Variants in CBFA2T2 observed in about 807,000 individuals in gnomAD.
CBFA2T2 encodes protein CBFA2T2.
A neutral mutation model predicts 62.2 loss-of-function variants in CBFA2T2; 11 were observed. The observed-to-expected ratio is 0.18, with a 90% CI of 0.11 to 0.29. The LOEUF (loss-of-function observed/expected upper bound fraction) is 0.29. CBFA2T2 is among the 10% of genes least tolerant of loss of function. CBFA2T2 has a pLI of 1.00. For missense variants in CBFA2T2, 592 were observed against 774.1 expected (o/e 0.76, Z 2.79); for synonymous variants, 295 against 287.5 (o/e 1.03, Z -0.27).
At chr20:33,580,198 C>T (rs568563889) in intron 1 of CBFA2T2, among the ~76,000 whole-genome samples, 6 of 152,080 alleles carry the variant, frequency 3.9e-5, no homozygotes, top group South Asian at 2.1e-4. Flanking sequence ...ACATTTTAGG[C>T]GTGTAAATTT....
At chr20:33,518,622 A>T (rs2146859635) in intron 1 of CBFA2T2, among the ~76,000 whole-genome samples, 1 of 151,406 alleles carries the variant, frequency 6.6e-6, no homozygotes, top group South Asian at 2.1e-4. Flanking sequence ...AAAAAAAAAA[A>T]TTAGCTGGGC....
At chr20:33,562,661 T>A (rs932504526) in intron 1 of CBFA2T2, 1 of 985,292 alleles carries the variant, frequency 1.0e-6, no homozygotes, top group African/African-American at 1.7e-5. Flanking sequence ...TTGTTTATAA[T>A]TTGGGCATTT....
At chr20:33,637,966 CTTTTTTTTTTT>C (rs67124335) in intron 9 of CBFA2T2, among the ~76,000 whole-genome samples, 3 of 66,790 alleles carry the variant, frequency 4.5e-5, no homozygotes, top group African/African-American at 8.5e-5. Flanking sequence ...TGCACCCGGC[CTTTTTTTTTTT>C]TTTTTTTTTT....
intron 1 of CBFA2T2, among the ~76,000 whole-genome samples, chr20:33,594,473 GC>G (rs1296297088): frequency 6.6e-6 from 1 of 152,010 alleles, no homozygotes. Context: ...TCCTGCCTCG[GC>G]CTCCCAAAGT....
intron 1 of CBFA2T2, among the ~76,000 whole-genome samples, chr20:33,606,617 G>C (rs930164830): frequency 4.6e-5 from 7 of 152,100 alleles, no homozygotes; most frequent in Non-Finnish European, 1.0e-4. Flanking sequence ...TGGTGTGACT[G>C]TCCTCTCTTT....
At chr20:33,538,000 TAA>T (rs78359687) in intron 1 of CBFA2T2, among the ~76,000 whole-genome samples, 4 of 141,142 alleles carry the variant, frequency 2.8e-5, no homozygotes. Flanking sequence ...CTCAATTTCT[TAA>T]AAAAAAAAAA....
intron 1 of CBFA2T2, among the ~76,000 whole-genome samples, chr20:33,545,010 T>TGAAC (rs2012508345): frequency 8.8e-6 from 1 of 113,944 alleles, no homozygotes; most frequent in African/African-American, 3.3e-5. Context: ...TAGAATAGAA[T>TGAAC]AGAACAGAAC....
intron 1 of CBFA2T2, among the ~76,000 whole-genome samples, chr20:33,589,724 T>G (rs748300740): frequency 4.2e-4 from 64 of 152,288 alleles, no homozygotes; most frequent in Non-Finnish European, 2.6e-4. Flanking sequence ...TCAATCCTGA[T>G]CTGTCTGAAT....
Position 33,586,424 on chromosome 20 carries a change from G to A in CBFA2T2, c.35-20532G>A, listed in dbSNP as rs547951359. Among the ~76,000 whole-genome samples the A allele has an allele frequency of 1.8e-4, 28 of 152,114 alleles. 1 individual carries two copies. The highest frequency in any genetic ancestry group is 5.8e-4 in the African/African-American group (24 of 41,504). Reference sequence around the variant, plus strand: ...GCTGGGATTACAGGGGTGAGCCACCGCGCCCAGCCTATTATCATTGTTATC... The same window carrying A: ...GCTGGGATTACAGGGGTGAGCCACCACGCCCAGCCTATTATCATTGTTATC... On this transcript the variant is annotated intron_variant, in intron 1 of 10. Transcript: ENST00000342704.
chr20:33,603,100 G>T (rs1465980680), intron 1 of CBFA2T2, among the ~76,000 whole-genome samples: 2 of 152,108 alleles, frequency 1.3e-5, no homozygotes, highest in African/African-American at 4.8e-5. Context: ...TTTGGACTTT[G>T]GGTGACTGTA....
At chr20:33,607,740 A>G (rs749839604) in intron 2 of CBFA2T2, among the ~76,000 whole-genome samples, 3 of 152,060 alleles carry the variant, frequency 2.0e-5, no homozygotes, top group Non-Finnish European at 4.4e-5. Flanking sequence ...ATTAGGGACT[A>G]CTCATAATAC....
At chr20:33,610,069 C>T (rs922085664) in intron 2 of CBFA2T2, among the ~76,000 whole-genome samples, 3 of 152,062 alleles carry the variant, frequency 2.0e-5, no homozygotes, top group African/African-American at 7.2e-5. Context: ...ATCACTTGAG[C>T]CCAGGAGTTT....
At chr20:33,528,487 G>A (rs1232191447) in intron 1 of CBFA2T2, among the ~76,000 whole-genome samples, 2 of 152,146 alleles carry the variant, frequency 1.3e-5, no homozygotes, top group Non-Finnish European at 2.9e-5. Flanking sequence ...TGTTTGGTGG[G>A]CTATTTTTCT....
At chr20:33,546,149 C>A (rs1041570270) in intron 1 of CBFA2T2, among the ~76,000 whole-genome samples, 4 of 152,140 alleles carry the variant, frequency 2.6e-5, no homozygotes, top group Admixed American at 2.0e-4. Flanking sequence ...ATATAAACTG[C>A]TAATTTATCT....
intron 6 of CBFA2T2, among the ~76,000 whole-genome samples, chr20:33,627,393 C>A (rs950036316): frequency 3.3e-5 from 5 of 151,468 alleles, no homozygotes; most frequent in East Asian, 1.9e-4. Context: ...GAGACTCCGT[C>A]AAGGGGGGGG....
chr20:33,515,520 A>T (rs1001742566), intron 1 of CBFA2T2, among the ~76,000 whole-genome samples: 1 of 151,912 alleles, frequency 6.6e-6, no homozygotes, highest in Non-Finnish European at 1.5e-5. Flanking sequence ...ATAGTTTTTT[A>T]TTTTTATTTT....
At chr20:33,593,614 A>T (rs2014761011) in intron 1 of CBFA2T2, among the ~76,000 whole-genome samples, 1 of 152,034 alleles carries the variant, frequency 6.6e-6, no homozygotes, top group Non-Finnish European at 1.5e-5. Context: ...GCTGGTCTCG[A>T]GCTCCTGACA....
chr20:33,609,117 C>T (rs1417658640), intron 2 of CBFA2T2, among the ~76,000 whole-genome samples: 1 of 152,126 alleles, frequency 6.6e-6, no homozygotes, highest in African/African-American at 2.4e-5. Context: ...GTATACACAA[C>T]TTATAAAACT....
chr20:33,596,736 C>G (rs2014908800), intron 1 of CBFA2T2, among the ~76,000 whole-genome samples: 1 of 152,102 alleles, frequency 6.6e-6, no homozygotes, highest in African/African-American at 2.4e-5. Flanking sequence ...CAGCTCCACA[C>G]TTTTATATCC....
Sources: allele counts gnomAD v4.1 joint callset (sites outside exome capture counted in the v4.1 genomes callset), GRCh38; gene constraint gnomAD v4.1.1; transcripts MANE v1.5; gene names NCBI Gene and HGNC (gene_info 2026-07-23, HGNC 2026-07-21).